Variants in DR1 observed in about 807,000 individuals in gnomAD.
DR1 encodes down-regulator of transcription 1.
A neutral mutation model predicts 19.9 loss-of-function variants in DR1; 7 were observed. The ratio of observed to expected loss-of-function variants is 0.35; its 90% CI spans 0.20 to 0.66. The LOEUF (loss-of-function observed/expected upper bound fraction) is 0.66. Among genes scored for constraint, DR1 ranks in the 30% least tolerant of loss-of-function variants. The probability of loss-of-function intolerance (pLI) is 0.66; values close to 1 mark genes in which losing one functional copy is unlikely to be tolerated. For synonymous variants in DR1, 76 were observed against 72.5 expected, an observed-to-expected ratio of 1.05 and a Z score of -0.24; for missense variants, 98 against 203.7, an observed-to-expected ratio of 0.48 and a Z score of 3.16.
rs1348383026 is a variant in DR1 at position 93,346,172 on chromosome 1, A to T, written c.-474A>T. The T allele has an allele frequency of 4.4e-6, 1 of 225,172 alleles. No individual in the cohort carries two copies. The highest frequency in any genetic ancestry group is 8.8e-6 in the Non-Finnish European group (1 of 113,876). The allele number at this position is 225,172 out of a possible 1,614,324, so 13.9% of individuals were successfully genotyped here. On this transcript the variant is annotated 5_prime_UTR_variant, in exon 1 of 3. Coordinates refer to ENST00000370272, the MANE Select transcript of DR1 (RefSeq NM_001938.3). ...AGGATGGTTTGGCCGAGGCGGCGGC[A>T]ACGGCTGCTGGCGGCGGCGGCAGCG...
In DR1 at chr1:93,360,691, C is replaced by CA. The variant is rs1667041204; in HGVS notation, c.*57dup. The CA allele has an allele frequency of 1.5e-5, 23 of 1,544,646 alleles. No individual in the cohort carries two copies. The highest frequency in any genetic ancestry group is 1.7e-5 in the Non-Finnish European group (20 of 1,152,968). ...TCTATAAATGTTTTTCCCTGCACAA[C>CA]AAAAACAGTGAAAGAAATGCTTATC... is the stretch of plus-strand genomic sequence containing the variant. On this transcript the variant is annotated 3_prime_UTR_variant, in exon 3 of 3. Coordinates refer to ENST00000370272, the MANE Select transcript of DR1 (RefSeq NM_001938.3).
Position 93,360,612 on chromosome 1 carries a change from G to A in DR1, c.504G>A (p.Gln168=), listed in dbSNP as rs1376266034. 6.3e-7 allele frequency: 1 copy of A among 1,588,444 alleles called. No individual in the cohort carries two copies. Among genetic ancestry groups the A allele is most frequent in the East Asian group, 2.3e-5 (1 of 42,886 alleles). The change falls in exon 3 of 3, where the codon CAG becomes CAA. Residue 168 remains glutamine (Q), a synonymous_variant. Transcript: ENST00000370272. ...CATCTAATCAGGCGGGATCTTCTCAGGATGAAGAAGATGATGATGATATCT... is the reference window on the plus strand; with the variant it reads ...CATCTAATCAGGCGGGATCTTCTCAAGATGAAGAAGATGATGATGATATCT... ...ASASNQAGSS[Q]DEEDDDDI
chr1:93,364,851 C>CTTTTTTTTTTTTTTTTTTTTTTTT lies in DR1; in HGVS notation c.*4232_*4233insTTTTTTTTTTTTTTTTTTTTTTTT, dbSNP rs1185414953. Reference sequence around the variant, plus strand: ...TTTTCTTTTTTCTTTTCTTTTCTTTCTTTTTTTTTTTTTTTTTTTTGAGAC... The same window carrying CTTTTTTTTTTTTTTTTTTTTTTTT: ...TTTTCTTTTTTCTTTTCTTTTCTTTCTTTTTTTTTTTTTTTTTTTTTTTTTTTTTTTTTTTTTTTTTTTTGAGAC... On this transcript the variant is annotated 3_prime_UTR_variant, in exon 3 of 3. Coordinates refer to ENST00000370272, the MANE Select transcript of DR1 (RefSeq NM_001938.3). 4.0e-5 allele frequency: 4 copies of CTTTTTTTTTTTTTTTTTTTTTTTT among 100,660 alleles called. No individual in the cohort carries two copies. The highest frequency in any genetic ancestry group is 1.2e-4 in the Admixed American group (1 of 8,446). 6.2% of individuals were successfully genotyped at this position (100,660 alleles called of 1,614,324 possible). A position where few individuals can be genotyped will look rare whatever the true frequency, so the allele number is the denominator to read the frequency against.
At position 93,361,046 on chromosome 1, in the gene DR1, G is replaced by GGGA. The variant is rs1233539051; in HGVS notation, c.*409_*410insAGG. The stretch of plus-strand genomic sequence containing the variant: ...ACTTGTGAATTTTAAATTATTAAGG[G>GGGA]GGGGGTGCTGTGTGAATCAGTAGAC... On this transcript the variant is annotated 3_prime_UTR_variant, in exon 3 of 3. Transcript: ENST00000370272. The GGGA allele has an allele frequency of 6.1e-6, 1 of 164,800 alleles. No homozygotes were observed. The highest frequency in any genetic ancestry group is 1.3e-5 in the Non-Finnish European group (1 of 77,282). 10.2% of individuals were successfully genotyped at this position (164,800 alleles called of 1,614,324 possible). A position where few individuals can be genotyped will look rare whatever the true frequency, so the allele number is the denominator to read the frequency against.
chr1:93,351,211 A>G (rs1447900671), intron 1 of DR1, among the ~76,000 whole-genome samples: 5 of 152,160 alleles, frequency 3.3e-5, no homozygotes, highest in Non-Finnish European at 7.4e-5. Flanking sequence ...ATTAAAGTCA[A>G]TGAAATTTTT....
chr1:93,357,713 T>C (rs1248840430), intron 2 of DR1, among the ~76,000 whole-genome samples: 1 of 152,122 alleles, frequency 6.6e-6, no homozygotes, highest in African/African-American at 2.4e-5. Flanking sequence ...CTTCCTTTAT[T>C]AGTCTCTGAT....
At chr1:93,350,929 C>T (rs993781076) in intron 1 of DR1, among the ~76,000 whole-genome samples, 3 of 152,194 alleles carry the variant, frequency 2.0e-5, no homozygotes, top group Non-Finnish European at 4.4e-5. Context: ...AAAAGCATTA[C>T]TACTGTCTGC....
chr1:93,354,945 T>C (rs905662858), intron 2 of DR1: 3 of 152,212 alleles, frequency 2.0e-5, no homozygotes, highest in African/African-American at 7.2e-5. Flanking sequence ...CAAGTAATTT[T>C]CCTGCATTAT....
At position 93,362,795 on chromosome 1, in the gene DR1, A is replaced by T. The variant is rs1293587094; in HGVS notation, c.*2156A>T. On this transcript the variant is annotated 3_prime_UTR_variant, in exon 3 of 3. Transcript: ENST00000370272. ...CTAAGATCGAGGCATAACAAAGCTT[A>T]CTTATGCAATATTTTATTTTTAGGT... is the stretch of plus-strand genomic sequence containing the variant. 1.6e-5 allele frequency: 2 copies of T among 127,224 alleles called. No individual in the cohort carries two copies. The highest frequency in any genetic ancestry group is 3.1e-5 in the African/African-American group (1 of 32,276). The allele number at this position is 127,224 out of a possible 1,614,324, so 7.9% of individuals were successfully genotyped here.
Position 93,353,975 on chromosome 1 carries a change from A to C in DR1, c.288A>C (p.Thr96=). 1.2e-6 allele frequency: 2 copies of C among 1,613,928 alleles called. No homozygotes were observed. Among genetic ancestry groups the C allele is most frequent in the Non-Finnish European group, 1.7e-6 (2 of 1,179,848 alleles). Residue 96 remains threonine (T), a synonymous_variant, in exon 2 of 3, where the codon ACA becomes ACC. Transcript: ENST00000370272. ...AAGAAGTCTTGCAAGAGTGTAAAAC[A>C]GTAGCATTAAAAAGAAGAAAGGCCA... is the stretch of plus-strand genomic sequence containing the variant. ...EVKEVLQECK[T]VALKRRKASS...
intron 1 of DR1, among the ~76,000 whole-genome samples, chr1:93,351,855 G>T (rs1298734210): frequency 6.6e-6 from 1 of 152,112 alleles, no homozygotes; most frequent in African/African-American, 2.4e-5. Context: ...TGTCCAGCTT[G>T]TATTTAAATA....
intron 1 of DR1, among the ~76,000 whole-genome samples, chr1:93,351,464 CAG>C (rs1470785419): frequency 8.9e-6 from 1 of 112,942 alleles, no homozygotes; most frequent in Non-Finnish European, 1.7e-5. Flanking sequence ...TTTTTTGAGA[CAG>C]AGTCACGCTG....
Position 93,361,685 on chromosome 1 carries a change from T to C in DR1, c.*1046T>C, listed in dbSNP as rs1667054428. On this transcript the variant is annotated 3_prime_UTR_variant, in exon 3 of 3. Coordinates refer to ENST00000370272, the MANE Select transcript of DR1 (RefSeq NM_001938.3). The stretch of plus-strand genomic sequence containing the variant: ...AACATTACCTTTTGAGATGACATTA[T>C]TGTCTCCATAATTGAGTGATAGCTT... The C allele has an allele frequency of 6.6e-6, 1 of 152,502 alleles. No individual in the cohort carries two copies. Among genetic ancestry groups the C allele is most frequent in the South Asian group, 2.1e-4 (1 of 4,832 alleles). 9.4% of individuals were successfully genotyped at this position (152,502 alleles called of 1,614,324 possible).
In DR1 at chr1:93,353,196, A is replaced by AT. The variant is rs900856780; in HGVS notation, c.221-703dup. Among the ~76,000 whole-genome samples the AT allele has an allele frequency of 6.6e-5, 10 of 150,668 alleles. No homozygotes were observed. In the East Asian group the frequency reaches 9.7e-4, roughly 15 times the overall value. ...AGGCATGAACTACCATGCCTAGCCCATTTTTTTTTCCTTATAAAATTTCCT... is the reference window on the plus strand; with the variant it reads ...AGGCATGAACTACCATGCCTAGCCCATTTTTTTTTTCCTTATAAAATTTCCT... On this transcript the variant is annotated intron_variant, in intron 1 of 2. Transcript: ENST00000370272.
rs1273813891 is a variant in DR1 at position 93,347,093 on chromosome 1, G to A, written c.220+228G>A. 3.3e-5 allele frequency among the ~76,000 whole-genome samples: 5 copies of A among 152,226 alleles called. No homozygotes were observed. In the East Asian group the frequency reaches 9.6e-4, roughly 29 times the overall value. On this transcript the variant is annotated intron_variant, in intron 1 of 2. Coordinates refer to ENST00000370272, the MANE Select transcript of DR1 (RefSeq NM_001938.3). ...GTAAGGAGTGCAAACATTTAGGTCA[G>A]CGTCCCCAAAACGTAAAGAATAAGA...
chr1:93,357,582 T>G (rs1006725080), intron 2 of DR1, among the ~76,000 whole-genome samples: 1 of 151,786 alleles, frequency 6.6e-6, no homozygotes, highest in Admixed American at 6.6e-5. Flanking sequence ...GTACAATCAC[T>G]TATTCCTCAA....
In DR1 at chr1:93,360,907, G is replaced by A. The variant is rs1387973374; in HGVS notation, c.*268G>A. 11 of 320,456 alleles carry A rather than the reference G, an allele frequency of 3.4e-5. No individual in the cohort carries two copies. The highest frequency in any genetic ancestry group is 1.0e-4 in the South Asian group (2 of 19,694). The allele number at this position is 320,456 out of a possible 1,614,324, so 19.9% of individuals were successfully genotyped here. ...AATTTTAGATAGCAGCGAGTCCTTC[G>A]TTTGATCAATAAACAGTGTTACAGA... On this transcript the variant is annotated 3_prime_UTR_variant, in exon 3 of 3. Coordinates refer to ENST00000370272, the MANE Select transcript of DR1 (RefSeq NM_001938.3).
chr1:93,353,894 T>C lies in DR1; in HGVS notation c.221-14T>C. ...TTATCACCCTTTCATATTTTAATAT[T>C]TTCATTTCTCTAGCACTAGAAAGTT... On this transcript the variant is annotated splice_polypyrimidine_tract_variant and intron_variant, in intron 1 of 2. Coordinates refer to ENST00000370272, the MANE Select transcript of DR1 (RefSeq NM_001938.3). The C allele has an allele frequency of 6.3e-7, 1 of 1,581,778 alleles. No individual in the cohort carries two copies.
In DR1 at chr1:93,346,570, T is replaced by G; in HGVS notation, c.-76T>G. 5.3e-6 allele frequency: 7 copies of G among 1,315,420 alleles called. No individual in the cohort carries two copies. The highest frequency in any genetic ancestry group is 7.5e-6 in the Non-Finnish European group (7 of 930,682). The allele number at this position is 1,315,420 out of a possible 1,614,324, so 81.5% of individuals were successfully genotyped here. A position where few individuals can be genotyped will look rare whatever the true frequency, so the allele number is the denominator to read the frequency against. ...GGATCACTCTCCGAGGGCGACTTTTTGAGAAATCTCGGTGGAGTAGTGGAC... is the reference window on the plus strand; with the variant it reads ...GGATCACTCTCCGAGGGCGACTTTTGGAGAAATCTCGGTGGAGTAGTGGAC... On this transcript the variant is annotated 5_prime_UTR_variant, in exon 1 of 3. Transcript: ENST00000370272.
Sources: allele counts gnomAD v4.1 joint callset (sites outside exome capture counted in the v4.1 genomes callset), GRCh38; gene constraint gnomAD v4.1.1; transcripts MANE v1.5; gene names NCBI Gene and HGNC (gene_info 2026-07-23, HGNC 2026-07-21).